Variants in MYRIP observed in about 807,000 individuals in gnomAD.
MYRIP encodes rab effector MyRIP.
Under a neutral mutation model 98.0 loss-of-function variants are expected in MYRIP, and 49 were observed. The observed-to-expected ratio is 0.50, with a 90% CI of 0.40 to 0.63. The LOEUF is 0.63. MYRIP is among the 30% of genes least tolerant of loss of function. The pLI, the probability that MYRIP is intolerant of heterozygous loss-of-function variation, is 0.00. For missense variants in MYRIP, 1,004 were observed against 1,058.2 expected (o/e 0.95, Z 0.71); for synonymous variants, 404 against 409.5 (o/e 0.99, Z 0.16).
At chr3:40,086,373 A>T (rs534034642) in intron 3 of MYRIP, among the ~76,000 whole-genome samples, 69 of 152,294 alleles carry the variant, frequency 4.5e-4, no homozygotes, top group Non-Finnish European at 8.8e-4. Flanking sequence ...AACATACTTA[A>T]TGAACTTGCT....
intron 1 of MYRIP, among the ~76,000 whole-genome samples, chr3:39,860,097 GAA>G: frequency 6.6e-6 from 1 of 152,184 alleles, no homozygotes; most frequent in Admixed American, 6.5e-5. Context: ...CTTATGTATA[GAA>G]AACTCTAAAG....
intron 2 of MYRIP, among the ~76,000 whole-genome samples, chr3:40,000,141 C>T (rs550949288): frequency 1.3e-5 from 2 of 151,556 alleles, no homozygotes; most frequent in South Asian, 2.1e-4. Context: ...CAAACCTGCA[C>T]GTTGTGCACA....
intron 1 of MYRIP, among the ~76,000 whole-genome samples, chr3:39,866,985 G>A (rs141092909): frequency 6.6e-6 from 1 of 152,212 alleles, no homozygotes; most frequent in East Asian, 1.9e-4. Flanking sequence ...CCAGTTCATA[G>A]ACCAGTGGAA....
intron 1 of MYRIP, among the ~76,000 whole-genome samples, chr3:39,856,016 T>C (rs1327104377): frequency 6.6e-6 from 1 of 152,210 alleles, no homozygotes; most frequent in African/African-American, 2.4e-5. Context: ...TTCCTGCTGC[T>C]ACTTCTACTA....
intron 1 of MYRIP, among the ~76,000 whole-genome samples, chr3:39,854,742 T>G (rs1474996039): frequency 6.6e-6 from 1 of 152,192 alleles, no homozygotes; most frequent in Non-Finnish European, 1.5e-5. Context: ...AGAATTACTT[T>G]TCTGGTTCCT....
intron 3 of MYRIP, among the ~76,000 whole-genome samples, chr3:40,130,775 C>T (rs561412751): frequency 6.6e-6 from 1 of 152,136 alleles, no homozygotes; most frequent in South Asian, 2.1e-4. Flanking sequence ...CCAGGTCTTA[C>T]CACCTGGGGA....
intron 3 of MYRIP, among the ~76,000 whole-genome samples, chr3:40,110,884 GTGT>G (rs1949143858): frequency 5.3e-3 from 5 of 946 alleles, no homozygotes; most frequent in Non-Finnish European, 0.022. Flanking sequence ...ATGAAGGGGT[GTGT>G]GTGTGTGTGT....
At chr3:40,244,048 T>A (rs1200870399) in intron 12 of MYRIP, among the ~76,000 whole-genome samples, 1 of 152,248 alleles carries the variant, frequency 6.6e-6, no homozygotes, top group Admixed American at 6.5e-5. Context: ...TCTGATTTTT[T>A]TCTCAATTAC....
intron 8 of MYRIP, among the ~76,000 whole-genome samples, chr3:40,178,602 G>C (rs1950819706): frequency 6.6e-6 from 1 of 152,202 alleles, no homozygotes; most frequent in African/African-American, 2.4e-5. Context: ...TTGAGTGAGA[G>C]AACAGTTACA....
intron 2 of MYRIP, among the ~76,000 whole-genome samples, chr3:39,996,485 G>A (rs112577139): frequency 0.1 from 15,367 of 152,084 alleles, 1,353 homozygotes; most frequent in African/African-American, 0.23. Context: ...AGAGCTAAGT[G>A]TCCTAAATAT....
intron 3 of MYRIP, among the ~76,000 whole-genome samples, chr3:40,145,519 G>A (rs1949989777): frequency 6.6e-6 from 1 of 152,198 alleles, no homozygotes; most frequent in Admixed American, 6.5e-5. Flanking sequence ...TTTGGGACCA[G>A]AAGTAGGCTT....
intron 3 of MYRIP, among the ~76,000 whole-genome samples, chr3:40,116,700 T>C (rs769456625): frequency 2.6e-5 from 4 of 152,210 alleles, no homozygotes; most frequent in African/African-American, 7.2e-5. Flanking sequence ...GTTAAGGATA[T>C]GCACAGGGCT....
At chr3:39,918,799 A>T (rs1944234294) in intron 2 of MYRIP, among the ~76,000 whole-genome samples, 1 of 152,186 alleles carries the variant, frequency 6.6e-6, no homozygotes. Flanking sequence ...TGGTGTCAAG[A>T]TAGGTTATAG....
intron 1 of MYRIP, among the ~76,000 whole-genome samples, chr3:39,878,503 C>T (rs907183643): frequency 1.3e-5 from 2 of 152,040 alleles, no homozygotes; most frequent in Non-Finnish European, 2.9e-5. Context: ...GATTTTTCAA[C>T]AGTATGCGCC....
chr3:40,228,225 C>T (rs1952544270), intron 11 of MYRIP, among the ~76,000 whole-genome samples: 1 of 152,228 alleles, frequency 6.6e-6, no homozygotes, highest in Non-Finnish European at 1.5e-5. Context: ...ATCAGCAAGA[C>T]AAGGGCCACT....
chr3:40,200,924 A>G (rs1057206319), intron 10 of MYRIP, among the ~76,000 whole-genome samples: 10 of 152,300 alleles, frequency 6.6e-5, no homozygotes, highest in Admixed American at 2.0e-4. Context: ...GCCTATCACA[A>G]TCCTGAGTCA....
At chr3:40,209,449 G>A (rs1951863346) in intron 10 of MYRIP, 1 of 175,230 alleles carries the variant, frequency 5.7e-6, no homozygotes. Context: ...CTATAAATAT[G>A]TACAATTATT....
At chr3:40,149,721 T>C (rs1950080102) in intron 3 of MYRIP, among the ~76,000 whole-genome samples, 1 of 152,216 alleles carries the variant, frequency 6.6e-6, no homozygotes. Flanking sequence ...GGCCTTCCAG[T>C]TAGAGTCCAA....
At chr3:39,968,544 G>T (rs1008519567) in intron 2 of MYRIP, among the ~76,000 whole-genome samples, 1 of 152,114 alleles carries the variant, frequency 6.6e-6, no homozygotes, top group Non-Finnish European at 1.5e-5. Context: ...TCTGCATGTG[G>T]CTAGCCAGTT....
Sources: gnomAD v4.1 joint callset for allele counts (sites outside exome capture counted in the v4.1 genomes callset) on GRCh38, gnomAD v4.1.1 for gene constraint, MANE v1.5 for transcripts, NCBI Gene and HGNC (gene_info 2026-07-23, HGNC 2026-07-21) for gene names.